Variants in RBBP8NL observed in about 807,000 individuals in gnomAD.
The protein encoded by RBBP8NL is RBBP8 N-terminal-like protein.
A neutral mutation model predicts 62.2 loss-of-function variants in RBBP8NL; 59 were observed. The observed-to-expected ratio is 0.95, with a 90% CI of 0.77 to 1.18. The LOEUF (loss-of-function observed/expected upper bound fraction) is 1.18. Among genes scored for constraint, RBBP8NL ranks in the 50% most tolerant of loss-of-function variants. The pLI is 0.00. For missense variants in RBBP8NL, 896 were observed against 899.5 expected (o/e 1.00, Z 0.05); for synonymous variants, 412 against 394.1 (o/e 1.05, Z -0.54).
intron 4 of RBBP8NL, 116 bp downstream of exon 4, chr20:62,417,108 C>T (rs992883371): frequency 4.9e-6 from 4 of 810,528 alleles, no homozygotes; most frequent in Non-Finnish European, 5.9e-6. Context: ...GGGAAACCTT[C>T]CTGGTTCAGT....
chr20:62,416,256 G>T lies in RBBP8NL; in HGVS notation c.314-20C>A. 2 of 714,292 alleles carry T rather than the reference G, an allele frequency of 2.8e-6. No homozygotes were observed. The highest frequency in any genetic ancestry group is 1.4e-5 in the South Asian group (1 of 72,872). 44.2% of individuals were successfully genotyped at this position (714,292 alleles called of 1,614,324 possible). A position where few individuals can be genotyped will look rare whatever the true frequency, so the allele number is the denominator to read the frequency against. ...CGTTGGCTGCAAAAGGCACTGATGA[G>T]CAAAGCAGCCAGGGGTTGGGGGGGA... is the stretch of plus-strand genomic sequence containing the variant. On this transcript the variant is annotated intron_variant, in intron 5 of 13. Transcript: ENST00000252998.
Position 62,413,464 on chromosome 20 carries a change from GA to G in RBBP8NL, c.1611del (p.Leu538CysfsTer29). On this transcript the variant is annotated frameshift_variant, in exon 11 of 14. Coordinates refer to ENST00000252998, the MANE Select transcript of RBBP8NL (RefSeq NM_080833.3). LOFTEE classifies it high-confidence loss of function. ...GSTEDEDTGR[P>X]LPPPHPQPPP... ...GGCGGCTGTGGGTGGGGAGGTGGCA[GA>G]GGCCTCCCTGTGTCTTCATCTTCTG... 1 of 1,479,534 alleles carries G rather than the reference GA, an allele frequency of 6.8e-7. No individual in the cohort carries two copies. Among genetic ancestry groups the G allele is most frequent in the Admixed American group, 2.6e-5 (1 of 37,980 alleles). The allele number at this position is 1,479,534 out of a possible 1,614,324, so 91.7% of individuals were successfully genotyped here. A position where few individuals can be genotyped will look rare whatever the true frequency, so the allele number is the denominator to read the frequency against.
chr20:62,425,532 C>T (rs966382455), intron 1 of RBBP8NL, among the ~76,000 whole-genome samples: 14 of 152,348 alleles, frequency 9.2e-5, no homozygotes, highest in Admixed American at 6.5e-4. Context: ...GGACATTGTC[C>T]GGCCGAGTGC....
intron 1 of RBBP8NL, among the ~76,000 whole-genome samples, chr20:62,424,307 G>A (rs1183447630): frequency 2.0e-5 from 3 of 152,080 alleles, no homozygotes; most frequent in African/African-American, 7.2e-5. Context: ...GGGGGGGCAG[G>A]TGTGAGGGGC....
chr20:62,417,514 AGTCAT>A (rs1988599984), intron 3 of RBBP8NL, among the ~76,000 whole-genome samples, 195 bp from the exon 4 acceptor site: 5 of 31,668 alleles, frequency 1.6e-4, no homozygotes, highest in South Asian at 1.2e-3. Flanking sequence ...CAGCCCCCCC[AGTCAT>A]CTGCACGCTC....
intron 13 of RBBP8NL, 107 bp downstream of exon 13, chr20:62,412,517 G>C (rs1988455776): frequency 7.0e-7 from 1 of 1,423,858 alleles, no homozygotes; most frequent in Non-Finnish European, 9.6e-7. Flanking sequence ...CCATCATTCT[G>C]AGGCTGCCAT....
rs568411932 is a variant in RBBP8NL, at chr20:62,417,539, G to A, written c.105-220C>T. 4.6e-3 allele frequency among the ~76,000 whole-genome samples: 326 copies of A among 71,098 alleles called. 6 individuals are homozygous for A. Among genetic ancestry groups the A allele is most frequent in the African/African-American group, 0.016 (299 of 18,488 alleles). 46.6% of individuals were successfully genotyped at this position (71,098 alleles called of 152,430 possible). A position where few individuals can be genotyped will look rare whatever the true frequency, so the allele number is the denominator to read the frequency against. On this transcript the variant is annotated intron_variant, in intron 3 of 13. Coordinates refer to ENST00000252998, the MANE Select transcript of RBBP8NL (RefSeq NM_080833.3). ...AGTCATCTGCACGCTCCTCTGTGAC[G>A]TCTGTCCCGTCCACGCAACGCCCCC...
In RBBP8NL at chr20:62,416,237, C is replaced by T; in HGVS notation, c.314-1G>A. Reference sequence around the variant, plus strand: ...TCCTTCAGCCCGTTCATCTCGTTGGCTGCAAAAGGCACTGATGAGCAAAGC... The same window carrying T: ...TCCTTCAGCCCGTTCATCTCGTTGGTTGCAAAAGGCACTGATGAGCAAAGC... On this transcript the variant is annotated splice_acceptor_variant, in intron 5 of 13. Transcript: ENST00000252998. LOFTEE classifies it high-confidence loss of function. The T allele has an allele frequency of 6.3e-7, 1 of 1,579,386 alleles. No individual in the cohort carries two copies.
At position 62,424,294 on chromosome 20, in the gene RBBP8NL, G is replaced by A. The variant is rs73916600; in HGVS notation, c.-84+3166C>T. On this transcript the variant is annotated intron_variant, in intron 1 of 13. Coordinates refer to ENST00000252998, the MANE Select transcript of RBBP8NL (RefSeq NM_080833.3). ...CCCACCTGCTGCTTGCAGCTGGGCC[G>A]TGGGGGGGGCAGGTGTGAGGGGCGC... is the stretch of plus-strand genomic sequence containing the variant. Among the ~76,000 whole-genome samples, 551 of 143,332 alleles carry A rather than the reference G, an allele frequency of 3.8e-3. 4 individuals carry two copies. Among genetic ancestry groups the A allele is most frequent in the African/African-American group, 0.013 (521 of 40,610 alleles). 94.0% of individuals were successfully genotyped at this position (143,332 alleles called of 152,430 possible). A position where few individuals can be genotyped will look rare whatever the true frequency, so the allele number is the denominator to read the frequency against.
rs764323984 is a variant in RBBP8NL at position 62,415,669 on chromosome 20, G to A, written c.545-9C>T. 6.2e-7 allele frequency: 1 copy of A among 1,612,506 alleles called. No individual in the cohort carries two copies. ...GTGCCCTGCTGGCTTTTCTGTGGGAGGAGAAGCCAGGGGCAAGAGCTTGGG... is the reference window on the plus strand; with the variant it reads ...GTGCCCTGCTGGCTTTTCTGTGGGAAGAGAAGCCAGGGGCAAGAGCTTGGG... On this transcript the variant is annotated splice_polypyrimidine_tract_variant and intron_variant, in intron 7 of 13. Coordinates refer to ENST00000252998, the MANE Select transcript of RBBP8NL (RefSeq NM_080833.3).
chr20:62,423,246 G>T (rs182363122), intron 1 of RBBP8NL, among the ~76,000 whole-genome samples: 2 of 152,178 alleles, frequency 1.3e-5, no homozygotes, highest in Non-Finnish European at 2.9e-5. Flanking sequence ...GGAAACTGAG[G>T]CTCAAACAGA....
chr20:62,417,162 A>ACCT, intron 4 of RBBP8NL, 62 bp downstream of exon 4: 1 of 1,267,456 alleles, frequency 7.9e-7, no homozygotes, highest in Non-Finnish European at 1.1e-6. Flanking sequence ...GAGCCCTGTC[A>ACCT]CCTCCTCCTC....
Position 62,416,802 on chromosome 20 carries a change from C to T in RBBP8NL, c.271G>A (p.Glu91Lys), listed in dbSNP as rs756577755. ...TGCAGGTTCTGCAGGTGGGAGCTCT[C>T]GAACTCCTGCTGCCGCTTCCTGGCC... ...ELARKRQQEF[E>K]SSHLQNLQRI... The change falls in exon 5 of 14, where the codon GAG becomes AAG. Residue 91 changes from glutamate to lysine, a missense_variant. Coordinates refer to ENST00000252998, the MANE Select transcript of RBBP8NL (RefSeq NM_080833.3). 1.8e-5 allele frequency: 28 copies of T among 1,589,966 alleles called. No homozygotes were observed. Among genetic ancestry groups the T allele is most frequent in the Middle Eastern group, 1.7e-4 (1 of 6,034 alleles).
At position 62,412,653 on chromosome 20, in the gene RBBP8NL, C is replaced by G; in HGVS notation, c.1847G>C (p.Arg616Thr). 1.2e-6 allele frequency: 2 copies of G among 1,607,242 alleles called. No individual in the cohort carries two copies. The highest frequency in any genetic ancestry group is 1.7e-6 in the Non-Finnish European group (2 of 1,179,926). The part of the protein sequence containing the change: ...QEHGQGPPRK[R>T]KRASEPGDKA... The stretch of plus-strand genomic sequence containing the variant: ...GTCCCCAGGCTCCGAGGCCCGCTTC[C>G]TCTTCCGTGGTGGACCCTGCCCGTG... The change falls in exon 13 of 14, where the codon AGG becomes ACG. Residue 616 changes from arginine (R) to threonine (T), a missense_variant. By Grantham distance (71) the Arg-to-Thr change is moderately conservative. Transcript: ENST00000252998.
rs776909258 is a variant in RBBP8NL at position 62,413,423 on chromosome 20, C to A, written c.1653G>T (p.Pro551=). ...TACCTGGGTGGCCGTCCAGGTCAGG[C>A]GGCTGTGGGTGGGGAGGCGGCTGTG... The part of the protein sequence containing the change: ...PHPQPPPHPQ[P]PDLDGHPEPS... Residue 551 remains proline, a synonymous_variant, in exon 11 of 14, where the codon CCG becomes CCT. Transcript: ENST00000252998. 6.9e-7 allele frequency: 1 copy of A among 1,454,060 alleles called. No individual in the cohort carries two copies. The highest frequency in any genetic ancestry group is 1.4e-5 in the African/African-American group (1 of 69,058). The allele number at this position is 1,454,060 out of a possible 1,614,324, so 90.1% of individuals were successfully genotyped here. A position where few individuals can be genotyped will look rare whatever the true frequency, so the allele number is the denominator to read the frequency against.
intron 2 of RBBP8NL, among the ~76,000 whole-genome samples, chr20:62,418,770 C>A (rs571423272): frequency 2.0e-4 from 31 of 152,284 alleles, no homozygotes; most frequent in African/African-American, 7.5e-4. Flanking sequence ...GGTAGAGGGA[C>A]CGAGGGGCCA....
intron 3 of RBBP8NL, among the ~76,000 whole-genome samples, chr20:62,417,664 C>G (rs111491055): frequency 2.1e-5 from 2 of 94,248 alleles, no homozygotes; most frequent in Non-Finnish European, 4.1e-5. Context: ...CGTCCACGCA[C>G]CCCCCCCAGT....
Position 62,417,258 on chromosome 20 carries a change from T to C in RBBP8NL, c.166A>G (p.Thr56Ala). The C allele has an allele frequency of 6.2e-7, 1 of 1,606,868 alleles. No individual in the cohort carries two copies. The highest frequency in any genetic ancestry group is 1.1e-5 in the South Asian group (1 of 89,374). The change falls in exon 4 of 14, where the codon ACA (threonine) becomes GCA (alanine). Residue 56 changes from threonine (T) to alanine (A), a missense_variant. Physicochemically the swap from Thr to Ala is moderately conservative, Grantham distance 58. Coordinates refer to ENST00000252998, the MANE Select transcript of RBBP8NL (RefSeq NM_080833.3). ...AGCACCCGCAGGTTCTCCTTCAGTG[T>C]CTTCTGCTGTTCCCGGAGCTGGTGG... ...KNHQLREQQKTLKENLRVLEN... is the reference protein window; with the variant it reads ...KNHQLREQQKALKENLRVLEN...
chr20:62,411,383 C>T (rs904595728), intron 13 of RBBP8NL, among the ~76,000 whole-genome samples: 14 of 152,328 alleles, frequency 9.2e-5, no homozygotes, highest in Admixed American at 2.0e-4. Context: ...GGTCCGGGGA[C>T]GGGGATCCTG....
Sources: allele counts gnomAD v4.1 joint callset (sites outside exome capture counted in the v4.1 genomes callset), GRCh38; gene constraint gnomAD v4.1.1; transcripts MANE v1.5; gene names NCBI Gene and HGNC (gene_info 2026-07-23, HGNC 2026-07-21).